The following ANK3 variants were observed in gnomAD, a reference collection of about 807,000 sequenced individuals.
ANK3 encodes ankyrin 3, also known as ankyrin-3.
In ANK3, 57 loss-of-function variants were observed where a neutral mutation model predicts 370.9. That is an observed-to-expected ratio of 0.15 (90% CI 0.12 to 0.19). The LOEUF (loss-of-function observed/expected upper bound fraction) is 0.19, where lower values mean the gene tolerates loss of function less well. ANK3 is among the 10% of genes least tolerant of loss of function. ANK3 has a pLI of 1.00. For synonymous variants in ANK3, 1,929 were observed against 1,946.3 expected (o/e 0.99, Z 0.23); for missense variants, 4,439 against 5,302.1 (o/e 0.84, Z 5.06).
At chr10:60,462,994 C>T (rs144832587) in intron 2 of ANK3, among the ~76,000 whole-genome samples, 119 of 152,266 alleles carry the variant, frequency 7.8e-4, no homozygotes, top group African/African-American at 2.7e-3. Context: ...GCCTTGACCT[C>T]CCAGGCTCTG....
At chr10:60,683,509 C>T (rs565296943) in intron 1 of ANK3, among the ~76,000 whole-genome samples, 1 of 152,320 alleles carries the variant, frequency 6.6e-6, no homozygotes, top group Non-Finnish European at 1.5e-5. Flanking sequence ...GAACTAGAAA[C>T]ATGATTATGA....
chr10:60,138,506 AAAC>A, intron 24 of ANK3: 4 of 402,220 alleles, frequency 9.9e-6, no homozygotes, highest in East Asian at 3.6e-5. Flanking sequence ...CAACTTTAAT[AAAC>A]AACATAATTT....
chr10:60,656,620 A>C (rs958098948), intron 1 of ANK3, among the ~76,000 whole-genome samples: 31 of 152,114 alleles, frequency 2.0e-4, no homozygotes, highest in African/African-American at 7.2e-4. Context: ...ATGATTTTGC[A>C]GTCTTTCTTT....
chr10:60,486,050 G>T (rs1455938660), intron 2 of ANK3, among the ~76,000 whole-genome samples: 1 of 152,116 alleles, frequency 6.6e-6, no homozygotes, highest in Non-Finnish European at 1.5e-5. Flanking sequence ...AAAAAGAATG[G>T]AACGTCATGT....
At position 60,446,745 on chromosome 10, in the gene ANK3, C is replaced by A. The variant is rs565352930; in HGVS notation, c.97-167106G>T. Among the ~76,000 whole-genome samples the A allele has an allele frequency of 1.2e-4, 18 of 152,132 alleles. No homozygotes were observed. The East Asian group carries it at 3.3e-3, about 28-fold the overall frequency. On this transcript the variant is annotated intron_variant, in intron 2 of 43. Transcript: ENST00000373827. ...AAGTTTATTTGGAGGTTTATCTGTG[C>A]GAAAGAGGCTAGGATACTACAAGAT...
At chr10:60,662,177 A>G (rs1248184151) in intron 1 of ANK3, among the ~76,000 whole-genome samples, 1 of 152,156 alleles carries the variant, frequency 6.6e-6, no homozygotes, top group Non-Finnish European at 1.5e-5. Flanking sequence ...AGAGAAATAA[A>G]GGATGAAAAA....
At chr10:60,186,936 A>G (rs746349662) in intron 16 of ANK3, 24 bp from the exon 17 acceptor site, 1 of 1,609,976 alleles carries the variant, frequency 6.2e-7, no homozygotes, top group East Asian at 2.2e-5. Flanking sequence ...TCACTTGGTC[A>G]CATGCCCAGG....
In ANK3 at chr10:60,270,111, G is replaced by A. The variant is rs1365892833; in HGVS notation, c.513+20C>T. On this transcript the variant is annotated intron_variant, in intron 5 of 43. Coordinates refer to ENST00000280772, the MANE Select transcript of ANK3 (RefSeq NM_020987.5). ...CTATAAATACGTGAACTCACCCACA[G>A]GAAAAAAACAGTATCTTACCTCTGT... 3 of 1,499,722 alleles carry A rather than the reference G, an allele frequency of 2.0e-6. No individual in the cohort carries two copies. In the Admixed American group the frequency reaches 6.3e-5, roughly 31 times the overall value. 92.9% of individuals were successfully genotyped at this position (1,499,722 alleles called of 1,614,324 possible). A position where few individuals can be genotyped will look rare whatever the true frequency, so the allele number is the denominator to read the frequency against.
chr10:60,650,044 T>C (rs1418686303), intron 1 of ANK3, among the ~76,000 whole-genome samples: 1 of 152,292 alleles, frequency 6.6e-6, no homozygotes, highest in African/African-American at 2.4e-5. Flanking sequence ...CTCCTGCCAA[T>C]TCCCACTAGA....
intron 1 of ANK3, among the ~76,000 whole-genome samples, chr10:60,312,583 G>A (rs1176980335): frequency 6.6e-6 from 1 of 151,996 alleles, no homozygotes; most frequent in East Asian, 1.9e-4. Context: ...GGCCTAGATG[G>A]GACCTCATAG....
At chr10:60,603,554 T>G (rs1442959321) in intron 2 of ANK3, among the ~76,000 whole-genome samples, 1 of 152,160 alleles carries the variant, frequency 6.6e-6, no homozygotes, top group Non-Finnish European at 1.5e-5. Flanking sequence ...TCAAATAATT[T>G]AAATAGAAAG....
intron 2 of ANK3, among the ~76,000 whole-genome samples, chr10:60,562,682 G>A (rs1439491479): frequency 1.3e-5 from 2 of 152,074 alleles, no homozygotes; most frequent in Non-Finnish European, 2.9e-5. Flanking sequence ...GACAAAGGTT[G>A]TAAAATCAAT....
chr10:60,596,645 A>G (rs2077991777), intron 2 of ANK3, among the ~76,000 whole-genome samples: 1 of 152,208 alleles, frequency 6.6e-6, no homozygotes, highest in Non-Finnish European at 1.5e-5. Flanking sequence ...GACATGTTTC[A>G]CTTTAAGCAA....
At chr10:60,490,789 T>C (rs2075477289) in intron 2 of ANK3, among the ~76,000 whole-genome samples, 1 of 152,242 alleles carries the variant, frequency 6.6e-6, no homozygotes, top group Non-Finnish European at 1.5e-5. Flanking sequence ...AATAGAGGCA[T>C]GACTGGCATA....
At chr10:60,579,900 A>C (rs1418758090) in intron 2 of ANK3, among the ~76,000 whole-genome samples, 1 of 152,190 alleles carries the variant, frequency 6.6e-6, no homozygotes, top group Admixed American at 6.5e-5. Context: ...AATGATTCAG[A>C]AAATCCTATA....
chr10:60,557,058 G>GA (rs1028269833), intron 2 of ANK3, among the ~76,000 whole-genome samples: 20 of 152,284 alleles, frequency 1.3e-4, no homozygotes, highest in African/African-American at 4.1e-4. Flanking sequence ...GTCGTCTGTG[G>GA]AAAAATTGTC....
In ANK3 at chr10:60,071,449, G is replaced by C. The variant is rs1019594924; in HGVS notation, c.9432C>G (p.Pro3144=). ...GAGTATCATCTTCTGGACTACCTTG[G>C]GGAGAAGGAGGTTGCTTTTGCTGTC... The part of the protein sequence containing the change: ...TTRQQKQPPS[P]QGSPEDDTLE... Residue 3144 remains proline (P), a synonymous_variant, in exon 37 of 44, where the codon CCC becomes CCG. Coordinates refer to ENST00000280772, the MANE Select transcript of ANK3 (RefSeq NM_020987.5). 7.4e-6 allele frequency: 12 copies of C among 1,613,886 alleles called. No individual in the cohort carries two copies. The highest frequency in any genetic ancestry group is 1.0e-5 in the Non-Finnish European group (12 of 1,179,986).
intron 8 of ANK3, among the ~76,000 whole-genome samples, chr10:60,230,882 G>A (rs1297003015): frequency 2.4e-4 from 30 of 127,508 alleles, no homozygotes; most frequent in Non-Finnish European, 4.1e-4. Flanking sequence ...GACAGAGCGA[G>A]ACTCCATCTT....
At chr10:60,181,457 G>A (rs776969042) in intron 17 of ANK3, 30 bp from the exon 18 acceptor site, 345 of 1,587,782 alleles carry the variant, frequency 2.2e-4, no homozygotes, top group Non-Finnish European at 2.7e-4. Context: ...CACAGTCATC[G>A]TACAGGAAGG....
Sources: allele counts gnomAD v4.1 joint callset (sites outside exome capture counted in the v4.1 genomes callset), GRCh38; gene constraint gnomAD v4.1.1; transcripts MANE v1.5; gene names NCBI Gene and HGNC (gene_info 2026-07-23, HGNC 2026-07-21).